The following ACP7 variants were observed in gnomAD, a reference collection of about 807,000 sequenced individuals.
ACP7 encodes acid phosphatase 7, tartrate resistant (putative), also known as acid phosphatase type 7.
ACP7 carries 58 observed loss-of-function variants against 60.6 expected under a neutral mutation model. The ratio of observed to expected loss-of-function variants is 0.96; its 90% CI spans 0.77 to 1.19. The LOEUF (loss-of-function observed/expected upper bound fraction) is 1.19, where lower values mean the gene tolerates loss of function less well. ACP7 is among the 50% of genes most tolerant of loss of function. ACP7 has a pLI of 0.00. For missense variants in ACP7, 574 were observed against 596.2 expected (o/e 0.96, Z 0.39); for synonymous variants, 237 against 232.6 (o/e 1.02, Z -0.17).
At position 39,098,478 on chromosome 19, in the gene ACP7, G is replaced by A. The variant is rs561782766; in HGVS notation, c.142G>A (p.Val48Ile). The A allele has an allele frequency of 6.3e-7, 1 of 1,582,082 alleles. No individual in the cohort carries two copies. The highest frequency in any genetic ancestry group is 2.3e-5 in the East Asian group (1 of 44,368). ...CCCAGGTGAGCCAGGCTCCATGACT[G>A]TAACTTGGACCACATGGGTCCCAAC... ...SYPGEPGSMT[V>I]TWTTWVPTRS... Residue 48 changes from valine to isoleucine, a missense_variant, in exon 3 of 13, where the codon GTA becomes ATA. Val to Ile is a conservative substitution (Grantham distance 29, BLOSUM62 3). Transcript: ENST00000331256.
chr19:39,102,411 C>T (rs1189655400), intron 11 of ACP7, among the ~76,000 whole-genome samples: 4 of 150,260 alleles, frequency 2.7e-5, no homozygotes, highest in Non-Finnish European at 4.4e-5. Flanking sequence ...GAGTCTTGCT[C>T]TGTTGCCCAG....
chr19:39,096,616 A>G (rs1339195189), intron 2 of ACP7, among the ~76,000 whole-genome samples: 4 of 152,136 alleles, frequency 2.6e-5, no homozygotes, highest in African/African-American at 2.4e-5. Flanking sequence ...CCACATTTTC[A>G]GGTATCTTTT....
At chr19:39,090,167 C>CTTTGT (rs562094549) in intron 2 of ACP7, among the ~76,000 whole-genome samples, 5 of 151,690 alleles carry the variant, frequency 3.3e-5, no homozygotes, top group East Asian at 1.9e-4. Flanking sequence ...ATTTTATAAC[C>CTTTGT]TTTGTTTTGT....
rs201833340 is a variant in ACP7, at chr19:39,101,272, G to C, written c.974-16G>C. 1 of 1,614,046 alleles carries C rather than the reference G, an allele frequency of 6.2e-7. No individual in the cohort carries two copies. The highest frequency in any genetic ancestry group is 1.3e-5 in the African/African-American group (1 of 74,922). The stretch of plus-strand genomic sequence containing the variant: ...TCCCCAATTCAGAGGTCTGATCCCC[G>C]CTTGCTCTATCTCAGGAGTGGATCT... On this transcript the variant is annotated splice_polypyrimidine_tract_variant and intron_variant, in intron 9 of 12. Coordinates refer to ENST00000331256, the MANE Select transcript of ACP7 (RefSeq NM_001004318.3).
Position 39,101,329 on chromosome 19 carries a change from C to T in ACP7, c.1015C>T (p.Arg339Ter), listed in dbSNP as rs560738276. ...GTGGGCTCATGAGCACTCGTATGAACGACTGTGGCCAATTTACAACTACCA... is the reference window on the plus strand; with the variant it reads ...GTGGGCTCATGAGCACTCGTATGAATGACTGTGGCCAATTTACAACTACCA... ...QLWAHEHSYERLWPIYNYQVF... is the reference protein window; with the variant it reads ...QLWAHEHSYE The change falls in exon 10 of 13, where the codon CGA (arginine) becomes TGA (stop). Residue 339 changes from arginine to a stop codon, truncating the protein, a stop_gained. Coordinates refer to ENST00000331256, the MANE Select transcript of ACP7 (RefSeq NM_001004318.3). LOFTEE classifies it high-confidence loss of function. 4.5e-5 allele frequency: 73 copies of T among 1,614,018 alleles called. No homozygotes were observed. The highest frequency in any genetic ancestry group is 1.9e-4 in the African/African-American group (14 of 74,916).
intron 4 of ACP7, 26 bp from the exon 5 acceptor site, chr19:39,100,201 C>T: frequency 6.2e-7 from 1 of 1,605,722 alleles, no homozygotes; most frequent in Non-Finnish European, 8.5e-7. Flanking sequence ...CCTGGGTCCT[C>T]ACCCTCCTTC....
intron 2 of ACP7, among the ~76,000 whole-genome samples, chr19:39,087,778 C>G (rs867759285): frequency 2.6e-5 from 4 of 152,018 alleles, no homozygotes; most frequent in Non-Finnish European, 5.9e-5. Context: ...GGATTACAGG[C>G]ATGCACCACC....
At chr19:39,085,853 G>C (rs1032105710) in intron 2 of ACP7, among the ~76,000 whole-genome samples, 2 of 152,114 alleles carry the variant, frequency 1.3e-5, no homozygotes, top group Admixed American at 1.3e-4. Context: ...TAAGAGCTTG[G>C]ACTCTGGACC....
In ACP7 at chr19:39,100,296, C is replaced by T. The variant is rs769954563; in HGVS notation, c.575C>T (p.Pro192Leu). Reference sequence around the variant, plus strand: ...GATAGGTTCATGCGGCTCATTGAACCCGTGGCTGCCAGCCTGCCGTACATG... The same window carrying T: ...GATAGGTTCATGCGGCTCATTGAACTCGTGGCTGCCAGCCTGCCGTACATG... The part of the protein sequence containing the change: ...VGDRFMRLIE[P>L]VAASLPYMTC... The change falls in exon 5 of 13, where the codon CCC becomes CTC. Residue 192 changes from proline to leucine, a missense_variant. Transcript: ENST00000331256. 5.8e-5 allele frequency: 94 copies of T among 1,613,988 alleles called. No individual in the cohort carries two copies. The highest frequency in any genetic ancestry group is 7.5e-5 in the Non-Finnish European group (89 of 1,180,028).
At chr19:39,102,751 CTTTCTTTCTTTCTT>C (rs1283509682) in intron 11 of ACP7, among the ~76,000 whole-genome samples, 16 of 84,662 alleles carry the variant, frequency 1.9e-4, no homozygotes, top group Non-Finnish European at 3.3e-4. Context: ...TTCTTTCTTT[CTTTCTTTCTTTCTT>C]TCTCTCTCTC....
chr19:39,098,420 C>T, intron 2 of ACP7, 38 bp from the exon 3 acceptor site: 1 of 1,395,468 alleles, frequency 7.2e-7, no homozygotes, highest in Non-Finnish European at 9.6e-7. Flanking sequence ...CCTGCCCAGG[C>T]TTCACTCCCG....
intron 2 of ACP7, among the ~76,000 whole-genome samples, chr19:39,095,197 C>CCCAAAAGT (rs1421948696): frequency 6.6e-6 from 1 of 152,128 alleles, no homozygotes; most frequent in East Asian, 1.9e-4. Flanking sequence ...TCAGCATTAA[C>CCCAAAAGT]CCAAAAGTCC....
intron 11 of ACP7, 101 bp downstream of exon 11, chr19:39,101,638 A>T: frequency 7.7e-7 from 1 of 1,302,376 alleles, no homozygotes; most frequent in Non-Finnish European, 1.1e-6. Context: ...TATAGTGGAT[A>T]TCACTTAACC....
intron 4 of ACP7, among the ~76,000 whole-genome samples, chr19:39,099,566 G>A (rs1333638378): frequency 6.6e-6 from 1 of 152,014 alleles, no homozygotes; most frequent in Non-Finnish European, 1.5e-5. Context: ...TGGGTAATGG[G>A]GATTGGGGAT....
At chr19:39,108,139 ATT>A (rs35561896) in intron 12 of ACP7, among the ~76,000 whole-genome samples, 82 of 135,030 alleles carry the variant, frequency 6.1e-4, no homozygotes, top group African/African-American at 1.7e-3. Context: ...CACTCATCTA[ATT>A]TTTTTTTTTT....
At chr19:39,094,479 G>C (rs1236814205) in intron 2 of ACP7, among the ~76,000 whole-genome samples, 1 of 147,138 alleles carries the variant, frequency 6.8e-6, no homozygotes, top group Non-Finnish European at 1.5e-5. Flanking sequence ...CTCCAGCTTG[G>C]GCGACAGAGT....
intron 2 of ACP7, among the ~76,000 whole-genome samples, chr19:39,088,802 G>A (rs182690192): frequency 3.3e-5 from 5 of 152,246 alleles, no homozygotes; most frequent in Admixed American, 3.3e-4. Context: ...CTGGAGTGCA[G>A]TGGTGTGGTC....
At chr19:39,090,097 A>G (rs472265) in intron 2 of ACP7, among the ~76,000 whole-genome samples, 33,852 of 152,050 alleles carry the variant, frequency 0.22, 3,777 homozygotes, top group East Asian at 0.3. Context: ...TTAGTGTGGT[A>G]TTTGCCTAAT....
chr19:39,086,629 C>CA (rs1157010669), intron 2 of ACP7, among the ~76,000 whole-genome samples: 1,104 of 45,400 alleles, frequency 0.024, 13 homozygotes, highest in Non-Finnish European at 0.029. Flanking sequence ...GGCCCTGTCT[C>CA]AAAAAAAAAA....
Sources: gnomAD v4.1 joint callset for allele counts (sites outside exome capture counted in the v4.1 genomes callset) on GRCh38, gnomAD v4.1.1 for gene constraint, MANE v1.5 for transcripts, NCBI Gene and HGNC (gene_info 2026-07-23, HGNC 2026-07-21) for gene names.